Variants in ARHGAP32 observed in about 807,000 individuals in gnomAD.
ARHGAP32 encodes the protein Rho GTPase activating protein 32, also known as rho GTPase-activating protein 32.
In ARHGAP32, 51 loss-of-function variants were observed where a neutral mutation model predicts 186.5. The observed-to-expected ratio is 0.27, with a 90% confidence interval of 0.22 to 0.35. The LOEUF is 0.35. Ranked by LOEUF, ARHGAP32 falls within the 10% of genes least tolerant of loss-of-function variation. The pLI is 1.00. For missense variants in ARHGAP32, 2,186 were observed against 2,623.5 expected, an observed-to-expected ratio of 0.83 and a Z score of 3.64; for synonymous variants, 950 against 964.3, an observed-to-expected ratio of 0.99 and a Z score of 0.27.
At chr11:129,112,554 A>G (rs1244262911) in intron 5 of ARHGAP32, among the ~76,000 whole-genome samples, 1 of 152,114 alleles carries the variant, frequency 6.6e-6, no homozygotes, top group Non-Finnish European at 1.5e-5. Context: ...TTCATGGTAC[A>G]TTAAAAACTT....
At chr11:129,056,396 A>G (rs1940254863) in intron 10 of ARHGAP32, among the ~76,000 whole-genome samples, 1 of 152,078 alleles carries the variant, frequency 6.6e-6, no homozygotes, top group African/African-American at 2.4e-5. Context: ...ATAGACATGT[A>G]CCACTTCGCC....
At chr11:129,248,046 C>T (rs1945124469) in intron 1 of ARHGAP32, among the ~76,000 whole-genome samples, 1 of 152,118 alleles carries the variant, frequency 6.6e-6, no homozygotes, top group African/African-American at 2.4e-5. Flanking sequence ...GGCGTGGTGG[C>T]TCACACCTGT....
intron 1 of ARHGAP32, among the ~76,000 whole-genome samples, chr11:129,254,880 C>T (rs1271345603): frequency 6.6e-6 from 1 of 152,054 alleles, no homozygotes; most frequent in African/African-American, 2.4e-5. Flanking sequence ...TGTGTGTACA[C>T]CAATAAATTA....
At chr11:129,170,897 G>C (rs1591668746) in intron 1 of ARHGAP32, among the ~76,000 whole-genome samples, 1 of 152,162 alleles carries the variant, frequency 6.6e-6, no homozygotes, top group East Asian at 1.9e-4. Flanking sequence ...CTGTGGTTTT[G>C]ATTTGCATTT....
At position 128,967,249 on chromosome 11, in the gene ARHGAP32, C is replaced by T. The variant is rs369440691; in HGVS notation, c.*1658G>A. ...TCCTAATCTTTATACAATTTCACAG[C>T]AATAATAGCAGCATGATTTTAGCCT... On this transcript the variant is annotated 3_prime_UTR_variant, in exon 23 of 23. Coordinates refer to ENST00000682385, the MANE Select transcript of ARHGAP32 (RefSeq NM_001378024.1). 7 of 152,206 alleles carry T rather than the reference C, an allele frequency of 4.6e-5. No homozygotes were observed. The East Asian group carries it at 1.2e-3, about 25-fold the overall frequency. The allele number at this position is 152,206 out of a possible 1,614,324, so 9.4% of individuals were successfully genotyped here. A position where few individuals can be genotyped will look rare whatever the true frequency, so the allele number is the denominator to read the frequency against.
chr11:129,250,823 A>G (rs1195334901), intron 1 of ARHGAP32, among the ~76,000 whole-genome samples: 3 of 152,210 alleles, frequency 2.0e-5, no homozygotes, highest in African/African-American at 4.8e-5. Flanking sequence ...ATGACATTAA[A>G]AAGAAAAGCA....
intron 19 of ARHGAP32, 112 bp downstream of exon 19, chr11:128,978,658 A>C (rs1945620603): frequency 5.5e-6 from 6 of 1,090,808 alleles, no homozygotes; most frequent in Non-Finnish European, 7.5e-6. Flanking sequence ...TATGTGTGAC[A>C]CAACTGTGAA....
chr11:129,087,704 T>A (rs1229052711), intron 6 of ARHGAP32, among the ~76,000 whole-genome samples: 1 of 152,154 alleles, frequency 6.6e-6, no homozygotes, highest in Non-Finnish European at 1.5e-5. Context: ...AATATACACC[T>A]CCAAGAGTAA....
intron 6 of ARHGAP32, among the ~76,000 whole-genome samples, chr11:129,075,090 A>G (rs1272235553): frequency 6.6e-6 from 1 of 152,204 alleles, no homozygotes; most frequent in African/African-American, 2.4e-5. Flanking sequence ...AAAGTATGGA[A>G]AACAAAAATA....
At chr11:129,018,519 A>G (rs1211110617) in intron 11 of ARHGAP32, among the ~76,000 whole-genome samples, 7 of 152,238 alleles carry the variant, frequency 4.6e-5, no homozygotes, top group Non-Finnish European at 7.3e-5. Context: ...AACTAAACTT[A>G]TCTTTAGCAA....
chr11:128,993,612 GTC>G (rs1946121788), intron 12 of ARHGAP32, among the ~76,000 whole-genome samples: 1 of 150,982 alleles, frequency 6.6e-6, no homozygotes, highest in South Asian at 2.1e-4. Context: ...CTTTAAAATA[GTC>G]TCTATATATA....
At chr11:129,221,227 C>A (rs911438058) in intron 1 of ARHGAP32, among the ~76,000 whole-genome samples, 1 of 152,102 alleles carries the variant, frequency 6.6e-6, no homozygotes, top group African/African-American at 2.4e-5. Context: ...GCCATGAAGT[C>A]TTATTTTAAG....
At chr11:129,087,698 T>C (rs777989726) in intron 6 of ARHGAP32, among the ~76,000 whole-genome samples, 1 of 152,188 alleles carries the variant, frequency 6.6e-6, no homozygotes, top group Non-Finnish European at 1.5e-5. Flanking sequence ...CTATAGAATA[T>C]ACACCTCCAA....
At position 129,024,157 on chromosome 11, in the gene ARHGAP32, A is replaced by G. The variant is rs1052726356; in HGVS notation, c.1045+16771T>C. On this transcript the variant is annotated intron_variant, in intron 11 of 22. Coordinates refer to ENST00000682385, the MANE Select transcript of ARHGAP32 (RefSeq NM_001378024.1). ...AAGTGTGTGGGAGAGCTCTGCCTCCAGGAGCTTAATCCTCCTCTCTCAGCA... is the reference window on the plus strand; with the variant it reads ...AAGTGTGTGGGAGAGCTCTGCCTCCGGGAGCTTAATCCTCCTCTCTCAGCA... The G allele has an allele frequency of 9.1e-6, 9 of 985,452 alleles. No homozygotes were observed. The South Asian group carries it at 4.2e-4, about 46-fold the overall frequency. 61.0% of individuals were successfully genotyped at this position (985,452 alleles called of 1,614,324 possible). A position where few individuals can be genotyped will look rare whatever the true frequency, so the allele number is the denominator to read the frequency against.
intron 1 of ARHGAP32, among the ~76,000 whole-genome samples, chr11:129,236,415 T>C (rs186156589): frequency 6.6e-6 from 1 of 152,206 alleles, no homozygotes; most frequent in Admixed American, 6.6e-5. Context: ...TTTTGTGGGA[T>C]TGTTTGGTTT....
intron 11 of ARHGAP32, among the ~76,000 whole-genome samples, chr11:129,014,721 A>C (rs1938246151): frequency 1.3e-5 from 2 of 152,228 alleles, no homozygotes; most frequent in African/African-American, 4.8e-5. Flanking sequence ...TAACATGTCC[A>C]GTGGATTTTT....
chr11:129,279,074 C>T (rs1452605349), intron 1 of ARHGAP32: 2 of 147,050 alleles, frequency 1.4e-5, no homozygotes, highest in Non-Finnish European at 3.0e-5. Flanking sequence ...GAAAGAGAGG[C>T]CCCCCGCAGC....
chr11:129,181,190 C>T (rs1309513788), intron 1 of ARHGAP32, among the ~76,000 whole-genome samples: 3 of 152,116 alleles, frequency 2.0e-5, no homozygotes, highest in African/African-American at 7.2e-5. Flanking sequence ...TTGGTTCTGG[C>T]TCTGCAACAG....
At chr11:129,055,149 T>TA (rs1940198807) in intron 10 of ARHGAP32, among the ~76,000 whole-genome samples, 1 of 152,182 alleles carries the variant, frequency 6.6e-6, no homozygotes, top group South Asian at 2.1e-4. Flanking sequence ...AAAGGGAGAA[T>TA]AAAAAGAATT....
Sources: gnomAD v4.1 joint callset for allele counts (sites outside exome capture counted in the v4.1 genomes callset) on GRCh38, gnomAD v4.1.1 for gene constraint, MANE v1.5 for transcripts, NCBI Gene and HGNC (gene_info 2026-07-23, HGNC 2026-07-21) for gene names.